Variants in RBMS3 observed in about 807,000 individuals in gnomAD.
RBMS3 encodes RNA binding motif single stranded interacting protein 3.
RBMS3 carries 27 observed loss-of-function variants against 66.8 expected under a neutral mutation model. That is an observed-to-expected ratio of 0.40 (90% CI 0.30 to 0.56). RBMS3 has a LOEUF of 0.56. Ranked by LOEUF, RBMS3 falls within the 20% of genes least tolerant of loss-of-function variation. The probability of loss-of-function intolerance (pLI) is 0.40; values close to 1 mark genes in which losing one functional copy is unlikely to be tolerated. For synonymous variants in RBMS3, 188 were observed against 183.0 expected, an observed-to-expected ratio of 1.03 and a Z score of -0.22; for missense variants, 513 against 549.5, an observed-to-expected ratio of 0.93 and a Z score of 0.66.
intron 14 of RBMS3, among the ~76,000 whole-genome samples, chr3:29,997,533 A>T (rs1340896386): frequency 2.7e-5 from 4 of 150,390 alleles, no homozygotes; most frequent in Non-Finnish European, 5.9e-5. Context: ...AATACTGGCA[A>T]AACGAATCCA....
intron 1 of RBMS3, among the ~76,000 whole-genome samples, chr3:29,359,768 G>T (rs55777937): frequency 5.3e-5 from 8 of 152,162 alleles, no homozygotes; most frequent in African/African-American, 1.9e-4. Flanking sequence ...TCCTGGTTTA[G>T]TCTTGGGAGG....
At chr3:29,580,556 A>T (rs979656297) in intron 3 of RBMS3, among the ~76,000 whole-genome samples, 3 of 151,990 alleles carry the variant, frequency 2.0e-5, no homozygotes, top group Admixed American at 1.3e-4. Context: ...CTGCATTTAA[A>T]TTTATTTATC....
intron 6 of RBMS3, among the ~76,000 whole-genome samples, chr3:29,838,623 T>C (rs1396591477): frequency 6.6e-6 from 1 of 152,158 alleles, no homozygotes; most frequent in Non-Finnish European, 1.5e-5. Flanking sequence ...TCTGAGACAT[T>C]TGTCGCACAT....
chr3:29,513,129 A>G (rs1340228032), intron 3 of RBMS3, among the ~76,000 whole-genome samples: 2 of 152,148 alleles, frequency 1.3e-5, no homozygotes, highest in South Asian at 2.1e-4. Context: ...TGACATTTAC[A>G]CTGGTGGCGG....
intron 6 of RBMS3, among the ~76,000 whole-genome samples, chr3:29,859,440 G>A (rs578168614): frequency 1.4e-4 from 22 of 152,288 alleles, no homozygotes; most frequent in Admixed American, 2.6e-4. Context: ...TGGAGAAAGC[G>A]TTCACTTAGA....
chr3:29,390,032 G>A (rs998691935), intron 1 of RBMS3, among the ~76,000 whole-genome samples: 1 of 152,156 alleles, frequency 6.6e-6, no homozygotes, highest in Admixed American at 6.5e-5. Context: ...GGCAGTGCAT[G>A]TGCTGATGGA....
intron 4 of RBMS3, among the ~76,000 whole-genome samples, chr3:29,625,092 C>G (rs1412412013): frequency 1.3e-5 from 2 of 152,126 alleles, no homozygotes; most frequent in African/African-American, 4.8e-5. Flanking sequence ...CTGTCTCCTG[C>G]CTCCACATAA....
intron 10 of RBMS3, among the ~76,000 whole-genome samples, chr3:29,935,426 A>C (rs562465870): frequency 9.2e-5 from 14 of 152,174 alleles, no homozygotes; most frequent in African/African-American, 3.4e-4. Flanking sequence ...GTGGATGGAC[A>C]TAAAAATTTG....
intron 14 of RBMS3, among the ~76,000 whole-genome samples, chr3:29,998,671 T>A (rs1328442550): frequency 2.0e-5 from 3 of 152,174 alleles, no homozygotes; most frequent in African/African-American, 7.2e-5. Context: ...GGGGAAAGGA[T>A]TCCCTATTGA....
chr3:29,912,359 G>A (rs190250913), intron 10 of RBMS3, among the ~76,000 whole-genome samples: 70 of 152,140 alleles, frequency 4.6e-4, no homozygotes, highest in African/African-American at 1.6e-3. Context: ...AATTAAAGAC[G>A]TGCATCTTCT....
At chr3:29,977,631 G>A (rs965236218) in intron 12 of RBMS3, among the ~76,000 whole-genome samples, 2 of 152,048 alleles carry the variant, frequency 1.3e-5, no homozygotes, top group Non-Finnish European at 1.5e-5. Flanking sequence ...TGGTTATTCA[G>A]TGCTCCTACA....
chr3:29,874,180 C>T lies in RBMS3; in HGVS notation c.744+5216C>T, dbSNP rs146470688. On this transcript the variant is annotated intron_variant, in intron 7 of 14. Transcript: ENST00000383767. Reference sequence around the variant, plus strand: ...TTGACAATGCAGTCTGGGAACACAACATTTCTATTAGCTTTGAAGGCATAT... The same window carrying T: ...TTGACAATGCAGTCTGGGAACACAATATTTCTATTAGCTTTGAAGGCATAT... Among the ~76,000 whole-genome samples the T allele has an allele frequency of 2.8e-3, 421 of 152,270 alleles. 1 individual carries two copies. The highest frequency in any genetic ancestry group is 9.7e-3 in the African/African-American group (402 of 41,566).
chr3:29,737,099 C>G (rs899388755), intron 4 of RBMS3, among the ~76,000 whole-genome samples: 1 of 152,034 alleles, frequency 6.6e-6, no homozygotes, highest in African/African-American at 2.4e-5. Flanking sequence ...GCCTCAGCCT[C>G]CCGAGTAGCT....
At chr3:29,535,201 A>T (rs2045507275) in intron 3 of RBMS3, among the ~76,000 whole-genome samples, 1 of 152,126 alleles carries the variant, frequency 6.6e-6, no homozygotes, top group Non-Finnish European at 1.5e-5. Flanking sequence ...GAATGGAAGC[A>T]ATAAAACGTA....
intron 3 of RBMS3, among the ~76,000 whole-genome samples, chr3:29,527,423 G>T (rs983791780): frequency 2.6e-5 from 4 of 152,122 alleles, no homozygotes; most frequent in African/African-American, 9.7e-5. Context: ...TCAGGAAGCA[G>T]TTGGCCGGAA....
At chr3:29,604,955 G>A (rs1055080624) in intron 4 of RBMS3, among the ~76,000 whole-genome samples, 1 of 151,876 alleles carries the variant, frequency 6.6e-6, no homozygotes, top group Non-Finnish European at 1.5e-5. Flanking sequence ...TATTGGATAT[G>A]TTGACATCCT....
intron 6 of RBMS3, among the ~76,000 whole-genome samples, chr3:29,866,344 G>A (rs76490835): frequency 0.015 from 2,357 of 152,272 alleles, 65 homozygotes; most frequent in African/African-American, 0.054. Context: ...TGTAATGTGT[G>A]TGTCTGTGAA....
At chr3:29,455,950 A>G (rs553128706) in intron 2 of RBMS3, among the ~76,000 whole-genome samples, 1 of 152,270 alleles carries the variant, frequency 6.6e-6, no homozygotes, top group East Asian at 1.9e-4. Flanking sequence ...CAGGCTGTCA[A>G]ATTTTTCACC....
At chr3:29,288,286 C>G (rs919667532) in intron 1 of RBMS3, among the ~76,000 whole-genome samples, 3 of 151,954 alleles carry the variant, frequency 2.0e-5, no homozygotes, top group Non-Finnish European at 4.4e-5. Flanking sequence ...TTCCCAGATG[C>G]TTTCCACAGG....
Sources: allele counts gnomAD v4.1 joint callset (sites outside exome capture counted in the v4.1 genomes callset), GRCh38; gene constraint gnomAD v4.1.1; transcripts MANE v1.5; gene names NCBI Gene and HGNC (gene_info 2026-07-23, HGNC 2026-07-21).